Variants in KIF13A observed in about 807,000 individuals in gnomAD.
KIF13A encodes kinesin family member 13A, also known as kinesin-like protein KIF13A.
KIF13A carries 79 observed loss-of-function variants against 212.2 expected under a neutral mutation model. That is an observed-to-expected ratio of 0.37 (90% CI 0.31 to 0.45). The LOEUF is 0.45. Ranked by LOEUF, KIF13A falls within the 20% of genes least tolerant of loss-of-function variation. The pLI is 1.00. For synonymous variants in KIF13A, 789 were observed against 808.6 expected, an observed-to-expected ratio of 0.98 and a Z score of 0.41; for missense variants, 1,901 against 2,209.0, an observed-to-expected ratio of 0.86 and a Z score of 2.79.
intron 2 of KIF13A, among the ~76,000 whole-genome samples, chr6:17,940,029 G>A (rs1369152446): frequency 1.5e-5 from 2 of 134,308 alleles, no homozygotes; most frequent in Non-Finnish European, 1.6e-5. Context: ...GAGACAGAGC[G>A]AGACTCCGTC....
chr6:17,868,207 C>T (rs535524848), intron 4 of KIF13A, among the ~76,000 whole-genome samples: 22 of 152,318 alleles, frequency 1.4e-4, no homozygotes, highest in Admixed American at 4.6e-4. Context: ...TATGCCACTA[C>T]CAGACTGCTT....
At chr6:17,831,292 T>A in intron 12 of KIF13A, 57 bp from the exon 13 acceptor site, 1 of 1,573,812 alleles carries the variant, frequency 6.4e-7, no homozygotes, top group African/African-American at 1.4e-5. Flanking sequence ...ATTCACAAGA[T>A]GTATCCACGG....
intron 2 of KIF13A, among the ~76,000 whole-genome samples, chr6:17,973,008 G>A (rs1433312351): frequency 6.6e-6 from 1 of 152,076 alleles, no homozygotes; most frequent in Non-Finnish European, 1.5e-5. Flanking sequence ...AGGGGAAGAG[G>A]GCATAAACCA....
At chr6:17,931,138 T>G (rs191395017) in intron 2 of KIF13A, among the ~76,000 whole-genome samples, 1 of 152,348 alleles carries the variant, frequency 6.6e-6, no homozygotes, top group Non-Finnish European at 1.5e-5. Context: ...TGTGAGAGCT[T>G]TCACATAATA....
intron 2 of KIF13A, among the ~76,000 whole-genome samples, chr6:17,981,906 A>G (rs1781122876): frequency 6.6e-6 from 1 of 152,178 alleles, no homozygotes; most frequent in Non-Finnish European, 1.5e-5. Context: ...TTTCTGGTCT[A>G]CAGAGACACA....
chr6:17,868,349 A>G lies in KIF13A; in HGVS notation c.220+5028T>C, dbSNP rs1238812596. Among the ~76,000 whole-genome samples, 3 of 152,366 alleles carry G rather than the reference A, an allele frequency of 2.0e-5. No individual in the cohort carries two copies. In the East Asian group the frequency reaches 5.8e-4, roughly 29 times the overall value. ...TAAAAAATGTATTGATTCATTGTCA[A>G]GAATGCTTTAATTGCAATCAGCAGT... On this transcript the variant is annotated intron_variant, in intron 4 of 38. Coordinates refer to ENST00000259711, the MANE Select transcript of KIF13A (RefSeq NM_022113.6).
intron 13 of KIF13A, among the ~76,000 whole-genome samples, chr6:17,830,466 T>C (rs970602198): frequency 4.0e-5 from 6 of 151,254 alleles, no homozygotes; most frequent in South Asian, 2.1e-4. Context: ...ATACTTTTTT[T>C]AAGAGTGTAA....
rs772335874 is a variant in KIF13A at position 17,775,000 on chromosome 6, C to G, written c.4218+15G>C. Reference sequence around the variant, plus strand: ...AGATTCTACTAAAAACCTAGCCATGCCCATAGGTGCATACCTTGTCATCTT... The same window carrying G: ...AGATTCTACTAAAAACCTAGCCATGGCCATAGGTGCATACCTTGTCATCTT... On this transcript the variant is annotated intron_variant, in intron 35 of 38. Transcript: ENST00000259711. 3.7e-6 allele frequency: 6 copies of G among 1,604,018 alleles called. No homozygotes were observed. In the Admixed American group the frequency reaches 6.8e-5, roughly 18 times the overall value.
rs1257962019 is a variant in KIF13A, at chr6:17,892,596, G to C, written c.159+5572C>G. ...CTGCTTACCAGAAAGACCAAGGCAG[G>C]ATTAGAGGGTTGGAACATTTAGCCC... is the stretch of plus-strand genomic sequence containing the variant. On this transcript the variant is annotated intron_variant, in intron 3 of 38. Transcript: ENST00000259711. This position sits in a 1 kb window ranked among gnomAD's most constrained non-coding sequence, Gnocchi z 4.7. 6.6e-6 allele frequency among the ~76,000 whole-genome samples: 1 copy of C among 152,220 alleles called. No individual in the cohort carries two copies. The highest frequency in any genetic ancestry group is 2.4e-5 in the African/African-American group (1 of 41,454).
At position 17,772,177 on chromosome 6, in the gene KIF13A, A is replaced by G. The variant is rs963013650; in HGVS notation, c.4325-118T>C. 7.3e-6 allele frequency: 7 copies of G among 957,288 alleles called. No homozygotes were observed. In the Admixed American group the frequency reaches 1.8e-4, roughly 24 times the overall value. 59.3% of individuals were successfully genotyped at this position (957,288 alleles called of 1,614,324 possible). A position where few individuals can be genotyped will look rare whatever the true frequency, so the allele number is the denominator to read the frequency against. ...GGGAGAACAATGAAATTCATAGGCT[A>G]ATATTTGGCTAAGCATTAAAACAGA... On this transcript the variant is annotated intron_variant, in intron 36 of 38. Transcript: ENST00000259711. The surrounding 1 kb of genome is among the most constrained non-coding windows in gnomAD (Gnocchi z 4.8).
In KIF13A at chr6:17,763,958, A is replaced by T. The variant is rs1356448564; in HGVS notation, c.*152T>A. The T allele has an allele frequency of 2.8e-6, 4 of 1,444,558 alleles. No homozygotes were observed. In the African/African-American group the frequency reaches 4.3e-5, roughly 16 times the overall value. 89.5% of individuals were successfully genotyped at this position (1,444,558 alleles called of 1,614,324 possible). A position where few individuals can be genotyped will look rare whatever the true frequency, so the allele number is the denominator to read the frequency against. ...TTTCACAATTGCGTTCTAGTTCCCA[A>T]AACAGACTTGCTCTCCGACAGAGAC... On this transcript the variant is annotated 3_prime_UTR_variant, in exon 39 of 39. Coordinates refer to ENST00000259711, the MANE Select transcript of KIF13A (RefSeq NM_022113.6).
rs1242596707 is a variant in KIF13A at position 17,834,857 on chromosome 6, G to A, written c.1156-786C>T. Among the ~76,000 whole-genome samples the A allele has an allele frequency of 6.6e-6, 1 of 152,134 alleles. No homozygotes were observed. Among genetic ancestry groups the A allele is most frequent in the Non-Finnish European group, 1.5e-5 (1 of 68,036 alleles). ...ATGCCTGAGGCTCATGGTATTAACA[G>A]AGCCTGACAGTGGCATTTAGTGCTG... is the stretch of plus-strand genomic sequence containing the variant. On this transcript the variant is annotated intron_variant, in intron 11 of 38. Coordinates refer to ENST00000259711, the MANE Select transcript of KIF13A (RefSeq NM_022113.6). The surrounding 1 kb of genome is among the most constrained non-coding windows in gnomAD (Gnocchi z 4.0).
At chr6:17,869,695 C>T (rs1241961191) in intron 4 of KIF13A, among the ~76,000 whole-genome samples, 1 of 152,198 alleles carries the variant, frequency 6.6e-6, no homozygotes, top group Admixed American at 6.5e-5. Flanking sequence ...GGAGGCTCTT[C>T]CTATAGCTTT....
intron 4 of KIF13A, among the ~76,000 whole-genome samples, chr6:17,860,155 T>C (rs536078443): frequency 6.6e-6 from 1 of 152,120 alleles, no homozygotes; most frequent in Non-Finnish European, 1.5e-5. Context: ...AGGATAATTT[T>C]TACAGACTGT....
At position 17,783,809 on chromosome 6, in the gene KIF13A, C is replaced by T. The variant is rs1184463130; in HGVS notation, c.3489-108G>A. Reference sequence around the variant, plus strand: ...AGCAAAGAGAACCATGGTGGAGATGCAGTTTCCACTAATGAAATACTTTCA... The same window carrying T: ...AGCAAAGAGAACCATGGTGGAGATGTAGTTTCCACTAATGAAATACTTTCA... On this transcript the variant is annotated intron_variant, in intron 28 of 38. Transcript: ENST00000259711. This position sits in a 1 kb window ranked among gnomAD's most constrained non-coding sequence, Gnocchi z 4.3. 5.5e-6 allele frequency: 4 copies of T among 727,144 alleles called. No individual in the cohort carries two copies. Among genetic ancestry groups the T allele is most frequent in the Non-Finnish European group, 9.8e-6 (4 of 408,574 alleles). 45.0% of individuals were successfully genotyped at this position (727,144 alleles called of 1,614,324 possible).
In KIF13A at chr6:17,785,763, AT is replaced by A; in HGVS notation, c.3362-123del. 1 of 1,020,548 alleles carries A rather than the reference AT, an allele frequency of 9.8e-7. No individual in the cohort carries two copies. Among genetic ancestry groups the A allele is most frequent in the Non-Finnish European group, 1.4e-6 (1 of 695,106 alleles). 63.2% of individuals were successfully genotyped at this position (1,020,548 alleles called of 1,614,324 possible). On this transcript the variant is annotated intron_variant, in intron 27 of 38. Transcript: ENST00000259711. The surrounding 1 kb of genome is among the most constrained non-coding windows in gnomAD (Gnocchi z 5.8). ...CCCCATCTCTACCAAAAAAAAAAAA[AT>A]AGTTGGGCAGGGTGGTGGTACGCAT...
chr6:17,924,754 G>A (rs1447430527), intron 2 of KIF13A, among the ~76,000 whole-genome samples: 1 of 152,190 alleles, frequency 6.6e-6, no homozygotes, highest in Non-Finnish European at 1.5e-5. Context: ...TTAAAAGAAG[G>A]CTGCTAAGAA....
chr6:17,799,998 T>C lies in KIF13A; in HGVS notation c.2570A>G (p.Asp857Gly). The change falls in exon 21 of 39, where the codon GAC becomes GGC. Residue 857 changes from aspartate to glycine, a missense_variant. Asp to Gly is a moderately conservative substitution (Grantham distance 94, BLOSUM62 -1). Transcript: ENST00000259711. This position sits in a 1 kb window ranked among gnomAD's most constrained non-coding sequence, Gnocchi z 4.4. ...TCGGTGAATGATTTCCCCGCTGCTG[T>C]CTACGACTTCAAGGCTCCCACTTTC... is the stretch of plus-strand genomic sequence containing the variant. ...SSESGSLEVV[D>G]SSGEIIHRVK... 1 of 1,613,978 alleles carries C rather than the reference T, an allele frequency of 6.2e-7. No individual in the cohort carries two copies. Among genetic ancestry groups the C allele is most frequent in the Non-Finnish European group, 8.5e-7 (1 of 1,179,880 alleles).
intron 9 of KIF13A, among the ~76,000 whole-genome samples, chr6:17,845,630 T>C (rs1766953347): frequency 1.3e-5 from 2 of 152,246 alleles, no homozygotes; most frequent in South Asian, 4.1e-4. Context: ...GATCCAAATG[T>C]GTTCTCAGCA....
Sources: gnomAD v4.1 joint callset for allele counts (sites outside exome capture counted in the v4.1 genomes callset) on GRCh38, gnomAD v4.1.1 for gene constraint, Gnocchi (gnomAD v3.1) non-coding constraint, MANE v1.5 for transcripts, NCBI Gene and HGNC (gene_info 2026-07-23, HGNC 2026-07-21) for gene names.